Variants in IMPG1 observed in about 807,000 individuals in gnomAD.
The protein encoded by IMPG1 is interphotoreceptor matrix proteoglycan of 150 kDa.
IMPG1 carries 85 observed loss-of-function variants against 92.0 expected under a neutral mutation model. That is an observed-to-expected ratio of 0.92 (90% confidence interval 0.78 to 1.11). IMPG1 has a LOEUF of 1.11. IMPG1 is among the 50% of genes least tolerant of loss of function. The pLI is 0.00. For missense variants in IMPG1, 1,022 were observed against 956.0 expected (o/e 1.07, Z -0.91); for synonymous variants, 367 against 334.1 (o/e 1.10, Z -1.08).
chr6:75,990,958 C>G (rs1360635330), intron 12 of IMPG1, among the ~76,000 whole-genome samples: 1 of 152,194 alleles, frequency 6.6e-6, no homozygotes, highest in Admixed American at 6.5e-5. Flanking sequence ...GATTAAAATG[C>G]TGATCACATT....
At chr6:76,048,763 AG>A (rs1469183566) in intron 1 of IMPG1, among the ~76,000 whole-genome samples, 6 of 152,212 alleles carry the variant, frequency 3.9e-5, no homozygotes, top group African/African-American at 1.4e-4. Context: ...CTATTTAAAA[AG>A]ATCTGGCTTT....
At chr6:75,940,286 C>A (rs1781816788) in intron 14 of IMPG1, among the ~76,000 whole-genome samples, 1 of 152,158 alleles carries the variant, frequency 6.6e-6, no homozygotes, top group African/African-American at 2.4e-5. Flanking sequence ...CTCCAGACAC[C>A]TACTTCATAG....
Position 75,974,274 on chromosome 6 carries a change from TTCTC to T in IMPG1, c.1292-23184_1292-23181del, listed in dbSNP as rs201813666. Among the ~76,000 whole-genome samples, 1,192 of 151,766 alleles carry T rather than the reference TTCTC, an allele frequency of 7.9e-3. 13 individuals carry two copies. The highest frequency in any genetic ancestry group is 0.027 in the African/African-American group (1,126 of 41,256). On this transcript the variant is annotated intron_variant, in intron 12 of 16. Transcript: ENST00000369950. ...TCTTTCTTTCTTTCTCTCTCTTTCT[TTCTC>T]TCTCTTCTTTCTTTCTCTTTCTTTT...
chr6:76,002,756 A>C (rs1582096849), intron 12 of IMPG1, among the ~76,000 whole-genome samples, 162 bp downstream of exon 12: 2 of 152,362 alleles, frequency 1.3e-5, no homozygotes, highest in African/African-American at 2.4e-5. Context: ...CTCTGCAGAA[A>C]GGTTAGTTCA....
chr6:76,023,852 A>T (rs775386498), intron 5 of IMPG1, among the ~76,000 whole-genome samples: 11 of 152,240 alleles, frequency 7.2e-5, no homozygotes, highest in Non-Finnish European at 1.5e-4. Flanking sequence ...CAGCTAAAGT[A>T]CATTACCTTC....
chr6:75,974,335 CTT>C (rs1417739640), intron 12 of IMPG1, among the ~76,000 whole-genome samples: 2 of 41,044 alleles, frequency 4.9e-5, no homozygotes, highest in African/African-American at 2.1e-4. Flanking sequence ...CTTTCCCTTT[CTT>C]TCTTTCTTTC....
chr6:75,926,628 TGA>T (rs985813860), intron 15 of IMPG1, among the ~76,000 whole-genome samples: 18 of 152,310 alleles, frequency 1.2e-4, no homozygotes, highest in African/African-American at 3.6e-4. Flanking sequence ...TGTTAAGGCC[TGA>T]GAAGGAAAAG....
intron 13 of IMPG1, among the ~76,000 whole-genome samples, chr6:75,948,625 C>T (rs920020204): frequency 6.6e-6 from 1 of 152,178 alleles, no homozygotes; most frequent in Non-Finnish European, 1.5e-5. Context: ...CTTGACTAGC[C>T]TCATTCTTGG....
chr6:75,996,304 G>T (rs975939835), intron 12 of IMPG1, among the ~76,000 whole-genome samples: 2 of 152,164 alleles, frequency 1.3e-5, no homozygotes, highest in Non-Finnish European at 2.9e-5. Context: ...TGGCTTCAAG[G>T]TGAGATAAAG....
intron 1 of IMPG1, among the ~76,000 whole-genome samples, chr6:76,057,305 G>A (rs1321442360): frequency 1.3e-5 from 2 of 152,070 alleles, no homozygotes; most frequent in African/African-American, 4.8e-5. Context: ...TAAAATAAAA[G>A]TTGGAAAAAG....
intron 12 of IMPG1, among the ~76,000 whole-genome samples, chr6:75,982,168 T>C (rs1782637343): frequency 6.6e-6 from 1 of 152,078 alleles, no homozygotes. Context: ...ATGAAGGTGG[T>C]GGTGGGGGAA....
rs374427876 is a variant in IMPG1, at chr6:75,922,019, T to G, written c.*70A>C. ...TTGATGACCCATGAATATGCCTGTC[T>G]CCATTTTCCTTGAGAAGGCAAATCA... On this transcript the variant is annotated 3_prime_UTR_variant, in exon 17 of 17. Transcript: ENST00000369950. The G allele has an allele frequency of 5.7e-5, 42 of 731,092 alleles. No homozygotes were observed. The highest frequency in any genetic ancestry group is 3.9e-4 in the South Asian group (26 of 66,212). 45.3% of individuals were successfully genotyped at this position (731,092 alleles called of 1,614,324 possible).
intron 14 of IMPG1, among the ~76,000 whole-genome samples, chr6:75,940,208 A>G (rs971144309): frequency 6.6e-6 from 1 of 152,182 alleles, no homozygotes; most frequent in Admixed American, 6.5e-5. Flanking sequence ...GCCATTTTAA[A>G]AAATCTGTTC....
At chr6:75,957,876 CT>C (rs1782155146) in intron 12 of IMPG1, among the ~76,000 whole-genome samples, 1 of 152,126 alleles carries the variant, frequency 6.6e-6, no homozygotes, top group South Asian at 2.1e-4. Flanking sequence ...CAGTCTGTGT[CT>C]TTTAATTGGG....
intron 8 of IMPG1, among the ~76,000 whole-genome samples, chr6:76,010,141 A>G (rs2149479415): frequency 6.6e-6 from 1 of 152,328 alleles, no homozygotes; most frequent in South Asian, 2.1e-4. Context: ...ATAGCTTTGA[A>G]AGAAATAAAC....
At chr6:76,072,150 T>C (rs1240560215) in intron 1 of IMPG1, among the ~76,000 whole-genome samples, 1 of 152,128 alleles carries the variant, frequency 6.6e-6, no homozygotes, top group Non-Finnish European at 1.5e-5. Flanking sequence ...ATAATAAGAA[T>C]TTTCAATGAA....
At chr6:76,057,808 T>C (rs1276575051) in intron 1 of IMPG1, among the ~76,000 whole-genome samples, 1 of 152,116 alleles carries the variant, frequency 6.6e-6, no homozygotes, top group Non-Finnish European at 1.5e-5. Flanking sequence ...TGTTTCAAAA[T>C]TGAGATCATA....
At chr6:75,928,561 T>C (rs756410792) in intron 15 of IMPG1, 2 of 152,204 alleles carry the variant, frequency 1.3e-5, no homozygotes, top group Non-Finnish European at 2.9e-5. Flanking sequence ...TTACAGTCAA[T>C]TGCAGATGGA....
intron 12 of IMPG1, among the ~76,000 whole-genome samples, chr6:75,964,636 C>T (rs1284122044): frequency 1.5e-5 from 2 of 135,982 alleles, no homozygotes. Flanking sequence ...GAGATGGCGC[C>T]ACTGCACTCC....
Sources: allele counts gnomAD v4.1 joint callset (sites outside exome capture counted in the v4.1 genomes callset), GRCh38; gene constraint gnomAD v4.1.1; transcripts MANE v1.5; gene names NCBI Gene and HGNC (gene_info 2026-07-23, HGNC 2026-07-21).